Variants in CTNNA2 observed in about 807,000 individuals in gnomAD.
The protein encoded by CTNNA2 is catenin alpha-2.
Under a neutral mutation model 101.0 loss-of-function variants are expected in CTNNA2, and 42 were observed. The ratio of observed to expected loss-of-function variants is 0.42; its 90% CI spans 0.32 to 0.54. The LOEUF is 0.54. Among genes scored for constraint, CTNNA2 ranks in the 20% least tolerant of loss-of-function variants. CTNNA2 has a pLI of 0.14. For missense variants in CTNNA2, 871 were observed against 1,223.1 expected (o/e 0.71, Z 4.29); for synonymous variants, 450 against 456.4 (o/e 0.99, Z 0.18).
At chr2:80,193,146 C>T (rs1558890384) in intron 7 of CTNNA2, among the ~76,000 whole-genome samples, 1 of 152,092 alleles carries the variant, frequency 6.6e-6, no homozygotes, top group Non-Finnish European at 1.5e-5. Flanking sequence ...ATCTTATAAA[C>T]CTTAGTGTTT....
At chr2:79,198,296 T>A (rs1005692786) in intron 2 of CTNNA2, among the ~76,000 whole-genome samples, 3 of 152,248 alleles carry the variant, frequency 2.0e-5, no homozygotes, top group African/African-American at 7.2e-5. Context: ...CATTTTCCTT[T>A]GTGCATTTTT....
intron 9 of CTNNA2, among the ~76,000 whole-genome samples, chr2:80,513,375 C>A (rs1323426287): frequency 6.6e-6 from 1 of 152,208 alleles, no homozygotes; most frequent in Non-Finnish European, 1.5e-5. Context: ...TGGGCTTTAG[C>A]AAATGTGTGT....
intron 4 of CTNNA2, among the ~76,000 whole-genome samples, chr2:79,405,451 A>T (rs1242881075): frequency 6.6e-6 from 1 of 151,850 alleles, no homozygotes; most frequent in Non-Finnish European, 1.5e-5. Flanking sequence ...TCAGCCTCCC[A>T]AGTAGCTGGG....
At chr2:80,034,597 G>T (rs530114115) in intron 7 of CTNNA2, among the ~76,000 whole-genome samples, 1 of 151,966 alleles carries the variant, frequency 6.6e-6, no homozygotes, top group Non-Finnish European at 1.5e-5. Context: ...CAGGTGATCC[G>T]CCCGCTTCTG....
At chr2:79,937,651 A>G (rs780423722) in intron 7 of CTNNA2, among the ~76,000 whole-genome samples, 1 of 152,246 alleles carries the variant, frequency 6.6e-6, no homozygotes, top group Non-Finnish European at 1.5e-5. Flanking sequence ...ATGAAATTAA[A>G]TATTAAGAAG....
intron 7 of CTNNA2, among the ~76,000 whole-genome samples, chr2:80,135,346 G>T (rs1441508485): frequency 6.6e-6 from 1 of 152,198 alleles, no homozygotes; most frequent in Non-Finnish European, 1.5e-5. Context: ...TGAAACTCAT[G>T]GGGAGCAATC....
At chr2:80,315,752 A>G (rs914230776) in intron 7 of CTNNA2, among the ~76,000 whole-genome samples, 15 of 152,196 alleles carry the variant, frequency 9.9e-5, no homozygotes, top group Non-Finnish European at 2.2e-4. Flanking sequence ...AAGAATTTAT[A>G]GTTGTTTTTG....
chr2:79,560,211 T>G (rs990179104), intron 1 of CTNNA2, among the ~76,000 whole-genome samples: 1 of 151,898 alleles, frequency 6.6e-6, no homozygotes, highest in Non-Finnish European at 1.5e-5. Flanking sequence ...GAAAATCTAC[T>G]GGCTTTGGTC....
chr2:79,958,404 G>T (rs1038623971), intron 7 of CTNNA2, among the ~76,000 whole-genome samples: 1 of 152,106 alleles, frequency 6.6e-6, no homozygotes, highest in Non-Finnish European at 1.5e-5. Flanking sequence ...TGGATTGTTC[G>T]AGTGGCCCCT....
At chr2:79,895,356 C>A (rs1032723718) in intron 6 of CTNNA2, among the ~76,000 whole-genome samples, 3 of 152,116 alleles carry the variant, frequency 2.0e-5, no homozygotes, top group African/African-American at 7.2e-5. Flanking sequence ...TCCCTTGCGG[C>A]CCGTGAACAC....
At chr2:80,289,951 A>G (rs539227504) in intron 7 of CTNNA2, among the ~76,000 whole-genome samples, 13 of 152,288 alleles carry the variant, frequency 8.5e-5, no homozygotes, top group African/African-American at 2.2e-4. Context: ...TTTGAAGGAT[A>G]TGGGCCTCAA....
chr2:80,205,205 G>A (rs1052504133), intron 7 of CTNNA2, among the ~76,000 whole-genome samples: 6 of 152,050 alleles, frequency 3.9e-5, no homozygotes, highest in African/African-American at 1.2e-4. Context: ...AACCTAAAAG[G>A]TAGAGAGTTA....
intron 4 of CTNNA2, 123 bp downstream of exon 4, chr2:79,858,302 AT>A: frequency 1.7e-6 from 1 of 580,404 alleles, no homozygotes; most frequent in East Asian, 3.0e-5. Context: ...TTACCTACCC[AT>A]GTGGTGCCCA....
rs140615440 is a variant in CTNNA2, at chr2:79,263,407, T to G, written c.-405-49302T>G. On this transcript the variant is annotated intron_variant, in intron 2 of 21. Transcript: ENST00000466387. ...CTGTCTTGCTCCCTCTCTGGCCATG[T>G]GATATTTCTGCTCCCTTTTGCCCTC... 2.0e-5 allele frequency among the ~76,000 whole-genome samples: 3 copies of G among 152,292 alleles called. No individual in the cohort carries two copies. The East Asian group carries it at 5.8e-4, about 30-fold the overall frequency.
At chr2:79,307,245 T>C (rs1182438832) in intron 2 of CTNNA2, among the ~76,000 whole-genome samples, 1 of 152,312 alleles carries the variant, frequency 6.6e-6, no homozygotes, top group South Asian at 2.1e-4. Context: ...GCTGGGAATG[T>C]TCGACATCCT....
rs952893349 is a variant in CTNNA2 at position 79,320,787 on chromosome 2, C to T, written c.-318+7991C>T. 9.2e-5 allele frequency among the ~76,000 whole-genome samples: 14 copies of T among 152,170 alleles called. 1 individual carries two copies. The Middle Eastern group carries it at 0.01, about 111-fold the overall frequency. ...TTCAGATGAAAGAGCACCAGCCTGA[C>T]GAATCCATAAGAACAGGAACAACAT... is the stretch of plus-strand genomic sequence containing the variant. On this transcript the variant is annotated intron_variant, in intron 3 of 21. Coordinates refer to the CTNNA2 transcript ENST00000466387.
At chr2:79,491,337 G>A (rs1359101808) in intron 4 of CTNNA2, among the ~76,000 whole-genome samples, 1 of 152,134 alleles carries the variant, frequency 6.6e-6, no homozygotes, top group Non-Finnish European at 1.5e-5. Context: ...CTCATATGCA[G>A]CTTAAATCTT....
intron 3 of CTNNA2, among the ~76,000 whole-genome samples, chr2:79,797,680 T>A (rs966112510): frequency 4.2e-4 from 38 of 89,558 alleles, no homozygotes; most frequent in East Asian, 8.3e-4. Flanking sequence ...AAAAAAAAAA[T>A]GATTGGCTTA....
intron 1 of CTNNA2, among the ~76,000 whole-genome samples, chr2:79,595,773 T>C (rs916842594): frequency 6.6e-6 from 1 of 152,090 alleles, no homozygotes; most frequent in African/African-American, 2.4e-5. Context: ...CTACTTAATC[T>C]ATACTGTACA....
Sources: gnomAD v4.1 joint callset for allele counts (sites outside exome capture counted in the v4.1 genomes callset) on GRCh38, gnomAD v4.1.1 for gene constraint, MANE v1.5 for transcripts, NCBI Gene and HGNC (gene_info 2026-07-23, HGNC 2026-07-21) for gene names.